ARHGAP28: variants seen among roughly 807,000 people sequenced by gnomAD.
The protein encoded by ARHGAP28 is rho GTPase-activating protein 28.
ARHGAP28 carries 56 observed loss-of-function variants against 90.7 expected under a neutral mutation model. That is an observed-to-expected ratio of 0.62 (90% CI 0.50 to 0.77). The LOEUF (loss-of-function observed/expected upper bound fraction) is 0.77. Among genes scored for constraint, ARHGAP28 ranks in the 30% least tolerant of loss-of-function variants. The pLI is 0.00. For missense variants in ARHGAP28, 869 were observed against 900.9 expected, an observed-to-expected ratio of 0.96 and a Z score of 0.45; for synonymous variants, 308 against 323.3, an observed-to-expected ratio of 0.95 and a Z score of 0.51.
At chr18:6,804,246 C>T (rs192711507) in intron 1 of ARHGAP28, among the ~76,000 whole-genome samples, 1 of 152,216 alleles carries the variant, frequency 6.6e-6, no homozygotes, top group African/African-American at 2.4e-5. Context: ...TTGTAATATT[C>T]CAGTATTTTT....
chr18:6,742,806 C>G (rs1481842551), intron 1 of ARHGAP28, among the ~76,000 whole-genome samples: 2 of 152,072 alleles, frequency 1.3e-5, no homozygotes, highest in Non-Finnish European at 2.9e-5. Context: ...GTAATGCCAG[C>G]TAGGGAAGGA....
chr18:6,736,733 G>C (rs1305509574), intron 1 of ARHGAP28, among the ~76,000 whole-genome samples: 5 of 123,638 alleles, frequency 4.0e-5, no homozygotes, highest in African/African-American at 1.8e-4. Flanking sequence ...GGCAACAAGA[G>C]TGAAACTCCA....
At chr18:6,770,621 T>A (rs143489569) in intron 1 of ARHGAP28, among the ~76,000 whole-genome samples, 1 of 152,206 alleles carries the variant, frequency 6.6e-6, no homozygotes, top group Non-Finnish European at 1.5e-5. Flanking sequence ...CCACATAGAC[T>A]GATATTTGTC....
chr18:6,837,278 C>T lies in ARHGAP28; in HGVS notation c.407C>T (p.Ala136Val), dbSNP rs1428366017. ...ISGDEEEDGK[A>V]LLSTLTRTQA... Reference sequence around the variant, plus strand: ...GGTGATGAAGAGGAAGATGGCAAAGCCTTGCTCTCCACATTGACTCGAACC... The same window carrying T: ...GGTGATGAAGAGGAAGATGGCAAAGTCTTGCTCTCCACATTGACTCGAACC... The change falls in exon 3 of 18, where the codon GCC becomes GTC. Residue 136 changes from alanine to valine, a missense_variant. Physicochemically the swap from Ala to Val is moderately conservative, Grantham distance 64. Transcript: ENST00000383472. 6 of 1,608,980 alleles carry T rather than the reference C, an allele frequency of 3.7e-6. No homozygotes were observed. Among genetic ancestry groups the T allele is most frequent in the Non-Finnish European group, 5.1e-6 (6 of 1,177,910 alleles).
At chr18:6,895,522 G>A (rs899602182) in intron 15 of ARHGAP28, among the ~76,000 whole-genome samples, 1 of 152,220 alleles carries the variant, frequency 6.6e-6, no homozygotes, top group African/African-American at 2.4e-5. Context: ...TCTGAATGCT[G>A]TGAGAGAAGC....
chr18:6,890,377 G>A (rs2057255225), intron 13 of ARHGAP28, 53 bp from the exon 14 acceptor site: 3 of 1,183,944 alleles, frequency 2.5e-6, no homozygotes, highest in South Asian at 1.4e-5. Context: ...AATCTGCTAG[G>A]GAGTTTGAAT....
chr18:6,792,688 C>T (rs779565413), intron 1 of ARHGAP28, among the ~76,000 whole-genome samples: 1 of 152,182 alleles, frequency 6.6e-6, no homozygotes, highest in African/African-American at 2.4e-5. Context: ...AGCAAGAAAT[C>T]GGGGAAAATA....
intron 14 of ARHGAP28, among the ~76,000 whole-genome samples, chr18:6,891,779 A>G (rs754337777): frequency 6.6e-6 from 1 of 151,998 alleles, no homozygotes; most frequent in African/African-American, 2.4e-5. Flanking sequence ...TTTTGTAGAG[A>G]TGGGGGTCTT....
intron 1 of ARHGAP28, among the ~76,000 whole-genome samples, chr18:6,822,745 A>G (rs1567958826): frequency 6.6e-6 from 1 of 152,254 alleles, no homozygotes; most frequent in Admixed American, 6.5e-5. Context: ...CTAGAGTCAG[A>G]TACTACGAAA....
At chr18:6,870,768 C>T (rs753150816) in intron 7 of ARHGAP28, 36 bp downstream of exon 7, 11 of 1,564,492 alleles carry the variant, frequency 7.0e-6, no homozygotes, top group African/African-American at 4.2e-5. Flanking sequence ...CCAGGAACTT[C>T]CTGTGACTTC....
chr18:6,810,069 T>A (rs955510603), intron 1 of ARHGAP28, among the ~76,000 whole-genome samples: 16 of 152,194 alleles, frequency 1.1e-4, no homozygotes, highest in Non-Finnish European at 8.8e-5. Context: ...TCCTTTTTGC[T>A]ATCAAGCCAA....
At chr18:6,889,615 TAAAAG>T (rs1248402544) in intron 12 of ARHGAP28, among the ~76,000 whole-genome samples, 15 of 152,306 alleles carry the variant, frequency 9.8e-5, no homozygotes, top group African/African-American at 3.4e-4. Context: ...TCTTTTAGGA[TAAAAG>T]AAAAGAAAAT....
chr18:6,878,087 A>G (rs554833705), intron 10 of ARHGAP28, among the ~76,000 whole-genome samples: 1 of 152,250 alleles, frequency 6.6e-6, no homozygotes, highest in Admixed American at 6.5e-5. Context: ...AGGAGAAAAC[A>G]TTACAGAGCA....
rs766815321 is a variant in ARHGAP28, at chr18:6,887,243, C to T, written c.1536+4C>T. 1.2e-5 allele frequency: 20 copies of T among 1,613,460 alleles called. No individual in the cohort carries two copies. The highest frequency in any genetic ancestry group is 9.3e-5 in the African/African-American group (7 of 74,894). ...TGCCAACAGAGATGCAGCTCAGGTA[C>T]GTCGTGTCCACCTCACAGCTTGTCC... is the stretch of plus-strand genomic sequence containing the variant. On this transcript the variant is annotated splice_donor_region_variant and intron_variant, in intron 12 of 17. Coordinates refer to ENST00000383472, the MANE Select transcript of ARHGAP28 (RefSeq NM_001366230.1).
At chr18:6,877,790 G>T (rs546965092) in intron 10 of ARHGAP28, among the ~76,000 whole-genome samples, 1 of 152,166 alleles carries the variant, frequency 6.6e-6, no homozygotes, top group Non-Finnish European at 1.5e-5. Context: ...TACAAGTAAG[G>T]ATGAAAACCA....
chr18:6,775,277 G>T (rs779954507), intron 1 of ARHGAP28, among the ~76,000 whole-genome samples: 10 of 152,208 alleles, frequency 6.6e-5, no homozygotes, highest in Non-Finnish European at 1.5e-4. Context: ...GCAATCATCT[G>T]CATCAGAGCA....
chr18:6,828,167 A>G (rs1295623275), intron 2 of ARHGAP28, among the ~76,000 whole-genome samples: 2 of 152,206 alleles, frequency 1.3e-5, no homozygotes, highest in Non-Finnish European at 2.9e-5. Flanking sequence ...CGGCCAACAC[A>G]GTGAAACCCC....
intron 1 of ARHGAP28, among the ~76,000 whole-genome samples, chr18:6,809,227 C>G (rs2056539536): frequency 6.6e-6 from 1 of 152,098 alleles, no homozygotes. Context: ...TCTATTTGTC[C>G]AGTTTCTAGT....
At chr18:6,902,291 G>A (rs936982424) in intron 16 of ARHGAP28, among the ~76,000 whole-genome samples, 5 of 152,122 alleles carry the variant, frequency 3.3e-5, no homozygotes, top group African/African-American at 9.7e-5. Context: ...TGTAACAAAT[G>A]TACTATATTA....
Sources: gnomAD v4.1 joint callset for allele counts (sites outside exome capture counted in the v4.1 genomes callset) on GRCh38, gnomAD v4.1.1 for gene constraint, MANE v1.5 for transcripts, NCBI Gene and HGNC (gene_info 2026-07-23, HGNC 2026-07-21) for gene names.